The following ARFGEF3 variants were observed in gnomAD, a reference collection of about 807,000 sequenced individuals.
ARFGEF3 encodes brefeldin A-inhibited guanine nucleotide-exchange protein 3.
A neutral mutation model predicts 221.7 loss-of-function variants in ARFGEF3; 96 were observed. That is an observed-to-expected ratio of 0.43 (90% confidence interval 0.37 to 0.51). The LOEUF (loss-of-function observed/expected upper bound fraction) is 0.51. Ranked by LOEUF, ARFGEF3 falls within the 20% of genes least tolerant of loss-of-function variation. ARFGEF3 has a pLI of 0.00. For missense variants in ARFGEF3, 2,410 were observed against 2,789.9 expected (o/e 0.86, Z 3.07); for synonymous variants, 1,145 against 1,126.8 (o/e 1.02, Z -0.32).
chr6:138,261,506 T>C, intron 10 of ARFGEF3, 21 bp from the exon 11 acceptor site: 1 of 1,457,478 alleles, frequency 6.9e-7, no homozygotes, highest in Non-Finnish European at 9.3e-7. Flanking sequence ...TTTCTGTTAC[T>C]CTTTTACCTT....
chr6:138,226,152 T>C (rs942564059), intron 4 of ARFGEF3, among the ~76,000 whole-genome samples: 12 of 152,150 alleles, frequency 7.9e-5, no homozygotes, highest in South Asian at 2.1e-4. Context: ...CCAGGACATG[T>C]CCTTGGGAGA....
At chr6:138,169,987 G>C (rs1278448140) in intron 1 of ARFGEF3, among the ~76,000 whole-genome samples, 1 of 152,210 alleles carries the variant, frequency 6.6e-6, no homozygotes, top group Non-Finnish European at 1.5e-5. Context: ...TCAGCTGCAA[G>C]ACTGGAGACA....
At chr6:138,234,317 G>A (rs1014530112) in intron 5 of ARFGEF3, among the ~76,000 whole-genome samples, 6 of 152,174 alleles carry the variant, frequency 3.9e-5, no homozygotes, top group East Asian at 1.9e-4. Flanking sequence ...GGAGGAAGAG[G>A]CAAGTCACAA....
Position 138,290,927 on chromosome 6 carries a change from GAAAAGAAAAGAA to G in ARFGEF3, c.3048-796_3048-785del, listed in dbSNP as rs1455780061. Among the ~76,000 whole-genome samples the G allele has an allele frequency of 2.0e-5, 3 of 149,290 alleles. No homozygotes were observed. In the East Asian group the frequency reaches 5.8e-4, roughly 29 times the overall value. Reference sequence around the variant, plus strand: ...CTGCTGCTCTTTATTGCTCTAACAAGAAAAGAAAAGAAAAAAGAAAATAAAAAGGCTCTCCTG... The same window carrying G: ...CTGCTGCTCTTTATTGCTCTAACAAGAAAAGAAAATAAAAAGGCTCTCCTG... On this transcript the variant is annotated intron_variant, in intron 18 of 33. Transcript: ENST00000251691.
At position 138,272,237 on chromosome 6, in the gene ARFGEF3, C is replaced by A. The variant is rs1272878422; in HGVS notation, c.2129-6214C>A. ...GTGGCACGATCTCGGCTCACTGCAA[C>A]CTCCGCCTCCTGGGTTCAAGCGATT... On this transcript the variant is annotated intron_variant, in intron 12 of 33. Transcript: ENST00000251691. 3.3e-5 allele frequency among the ~76,000 whole-genome samples: 5 copies of A among 152,204 alleles called. 1 individual carries two copies. The highest frequency in any genetic ancestry group is 1.2e-4 in the African/African-American group (5 of 41,520).
Position 138,302,160 on chromosome 6 carries a change from G to A in ARFGEF3, c.3828+3375G>A, listed in dbSNP as rs190167972. ...TTAAGAGTAAGCCCAGATGTATTTG[G>A]GAGCCAGAGCCTTCAAAGTAGCTAT... On this transcript the variant is annotated intron_variant, in intron 22 of 33. Coordinates refer to ENST00000251691, the MANE Select transcript of ARFGEF3 (RefSeq NM_020340.5). 2.6e-5 allele frequency among the ~76,000 whole-genome samples: 4 copies of A among 152,240 alleles called. No homozygotes were observed. The East Asian group carries it at 7.7e-4, about 29-fold the overall frequency.
intron 4 of ARFGEF3, chr6:138,217,666 G>A (rs41289771): frequency 2.0e-5 from 5 of 244,138 alleles, no homozygotes; most frequent in Non-Finnish European, 3.9e-5. Flanking sequence ...CTGGCACATG[G>A]CTTACTAATT....
intron 14 of ARFGEF3, among the ~76,000 whole-genome samples, chr6:138,283,089 T>C (rs1274306024): frequency 6.6e-6 from 1 of 152,124 alleles, no homozygotes; most frequent in East Asian, 1.9e-4. Flanking sequence ...ATCATTCAAA[T>C]GTATGAGAGC....
At chr6:138,258,351 A>G (rs1778723469) in intron 10 of ARFGEF3, among the ~76,000 whole-genome samples, 1 of 152,180 alleles carries the variant, frequency 6.6e-6, no homozygotes, top group Admixed American at 6.6e-5. Context: ...CTTATTTACA[A>G]ACTCCCTTAA....
chr6:138,328,069 G>T lies in ARFGEF3; in HGVS notation c.5050G>T (p.Asp1684Tyr). ...CTCACCAAAGACACCAAACAACTTT[G>T]ACCACGCTCAGTCCTGCCAGCTCAT... Reference protein sequence around the residue: ...QCSPKTPNNFDHAQSCQLIIE... With the variant: ...QCSPKTPNNFYHAQSCQLIIE... The change falls in exon 32 of 34, where the codon GAC (aspartate) becomes TAC (tyrosine). Residue 1684 changes from aspartate (D) to tyrosine (Y), a missense_variant. By Grantham distance (160) the Asp-to-Tyr change is radical. Transcript: ENST00000251691. 2 of 1,561,820 alleles carry T rather than the reference G, an allele frequency of 1.3e-6. No individual in the cohort carries two copies. The highest frequency in any genetic ancestry group is 2.4e-5 in the South Asian group (2 of 84,616).
chr6:138,174,402 A>T (rs1776896005), intron 2 of ARFGEF3, among the ~76,000 whole-genome samples: 1 of 144,780 alleles, frequency 6.9e-6, no homozygotes, highest in African/African-American at 2.6e-5. Context: ...GGCACTTTAA[A>T]CCAGGAGAGC....
At position 138,311,202 on chromosome 6, in the gene ARFGEF3, A is replaced by G. The variant is rs539455502; in HGVS notation, c.4097-205A>G. Among the ~76,000 whole-genome samples the G allele has an allele frequency of 1.8e-4, 28 of 152,330 alleles. No individual in the cohort carries two copies. In the South Asian group the frequency reaches 5.6e-3, roughly 30 times the overall value. On this transcript the variant is annotated intron_variant, in intron 24 of 33. Coordinates refer to ENST00000251691, the MANE Select transcript of ARFGEF3 (RefSeq NM_020340.5). Reference sequence around the variant, plus strand: ...ATAGGAAAGGTATGGTCCCAACTGTATTTAACATGTGCACATGCAGCTGGG... The same window carrying G: ...ATAGGAAAGGTATGGTCCCAACTGTGTTTAACATGTGCACATGCAGCTGGG...
chr6:138,322,237 T>C (rs1238367084), intron 29 of ARFGEF3, among the ~76,000 whole-genome samples: 7 of 152,188 alleles, frequency 4.6e-5, no homozygotes, highest in African/African-American at 1.7e-4. Context: ...GCCCCTGGAC[T>C]GTACTTACAT....
chr6:138,245,740 G>A (rs1778475023), intron 8 of ARFGEF3, 149 bp downstream of exon 8: 3 of 685,112 alleles, frequency 4.4e-6, no homozygotes, highest in Non-Finnish European at 5.2e-6. Flanking sequence ...TATTTACTAA[G>A]GAATATATTC....
At chr6:138,221,141 C>G (rs1777975875) in intron 4 of ARFGEF3, among the ~76,000 whole-genome samples, 1 of 152,104 alleles carries the variant, frequency 6.6e-6, no homozygotes, top group Non-Finnish European at 1.5e-5. Context: ...TCTATAAGGT[C>G]TTTCATTTTC....
Position 138,266,848 on chromosome 6 carries a change from C to CAAAAAAAAAAAAAAAA in ARFGEF3, c.2128+3239_2128+3254dup, listed in dbSNP as rs55638606. 1.6e-4 allele frequency among the ~76,000 whole-genome samples: 12 copies of CAAAAAAAAAAAAAAAA among 77,400 alleles called. 1 individual carries two copies. The highest frequency in any genetic ancestry group is 2.2e-4 in the African/African-American group (4 of 18,550). The allele number at this position is 77,400 out of a possible 152,430, so 50.8% of individuals were successfully genotyped here. On this transcript the variant is annotated intron_variant, in intron 12 of 33. Transcript: ENST00000251691. ...TTGGTGACAGAGCAAGACTCCATCT[C>CAAAAAAAAAAAAAAAA]AAAAAAAAAAAAAAAAAGATGTGCA... is the stretch of plus-strand genomic sequence containing the variant.
chr6:138,182,318 T>G (rs1195808114), intron 2 of ARFGEF3, among the ~76,000 whole-genome samples: 1 of 152,196 alleles, frequency 6.6e-6, no homozygotes, highest in East Asian at 1.9e-4. Context: ...ATATATACAA[T>G]TAAATTTTGT....
chr6:138,313,433 T>C (rs1185357010), intron 25 of ARFGEF3, among the ~76,000 whole-genome samples: 2 of 152,212 alleles, frequency 1.3e-5, no homozygotes, highest in African/African-American at 4.8e-5. Context: ...TGGACTGTCT[T>C]CTCAGTGAGC....
At chr6:138,289,316 G>A (rs572867892) in intron 17 of ARFGEF3, among the ~76,000 whole-genome samples, 1 of 152,282 alleles carries the variant, frequency 6.6e-6, no homozygotes, top group Non-Finnish European at 1.5e-5. Context: ...AATGAAATTG[G>A]TCATTTTCAG....
Sources: allele counts gnomAD v4.1 joint callset (sites outside exome capture counted in the v4.1 genomes callset), GRCh38; gene constraint gnomAD v4.1.1; transcripts MANE v1.5; gene names NCBI Gene and HGNC (gene_info 2026-07-23, HGNC 2026-07-21).